Variants in CCNJL observed in about 807,000 individuals in gnomAD.
CCNJL encodes cyclin J like.
In CCNJL, 33 loss-of-function variants were observed where a neutral mutation model predicts 33.4. The ratio of observed to expected loss-of-function variants is 0.99; its 90% CI spans 0.75 to 1.32. CCNJL has a LOEUF of 1.32. Ranked by LOEUF, CCNJL falls within the 40% of genes most tolerant of loss-of-function variation. The pLI, the probability that CCNJL is intolerant of heterozygous loss-of-function variation, is 0.00. For missense variants in CCNJL, 512 were observed against 499.7 expected (o/e 1.02, Z -0.23); for synonymous variants, 227 against 220.9 (o/e 1.03, Z -0.24).
chr5:160,322,931 A>AT lies in CCNJL; in HGVS notation n.207-7427_207-7426insA, dbSNP rs200398917. Among the ~76,000 whole-genome samples the AT allele has an allele frequency of 6.4e-3, 905 of 142,344 alleles. 11 individuals carry two copies. The highest frequency in any genetic ancestry group is 0.023 in the African/African-American group (866 of 38,488). 93.4% of individuals were successfully genotyped at this position (142,344 alleles called of 152,430 possible). On this transcript the variant is annotated intron_variant and non_coding_transcript_variant, in intron 1 of 7. Transcript: ENST00000377503. ...CCATCTCAAAAAAAATTAAAAAAAA[A>AT]AATAATAAAAATGTCCCTCAAGGCC...
intron 3 of CCNJL, chr5:160,260,945 A>G (rs4921271): frequency 0.78 from 119,355 of 152,322 alleles, 47,072 homozygotes; most frequent in East Asian, 0.92. Flanking sequence ...CTGTTCACCC[A>G]TGACCCCAAG....
chr5:160,260,042 A>G (rs1033841177), intron 3 of CCNJL, among the ~76,000 whole-genome samples: 2 of 152,238 alleles, frequency 1.3e-5, no homozygotes, highest in East Asian at 3.8e-4. Context: ...CCTATACTTC[A>G]TAAGGCTTTT....
At chr5:160,336,929 C>T (rs936348075) in intron 1 of CCNJL, among the ~76,000 whole-genome samples, 2 of 152,008 alleles carry the variant, frequency 1.3e-5, no homozygotes, top group African/African-American at 4.8e-5. Flanking sequence ...CACTTGGGGC[C>T]AAGCTCCCAT....
intron 2 of CCNJL, among the ~76,000 whole-genome samples, chr5:160,296,232 G>T (rs980511341): frequency 6.6e-6 from 1 of 152,146 alleles, no homozygotes; most frequent in Non-Finnish European, 1.5e-5. Flanking sequence ...CATACACAAG[G>T]CACTTAACAG....
At chr5:160,301,517 T>C (rs528857305) in intron 2 of CCNJL, among the ~76,000 whole-genome samples, 3 of 151,568 alleles carry the variant, frequency 2.0e-5, no homozygotes, top group African/African-American at 7.3e-5. Context: ...CACTGCAACC[T>C]CTGCCTCGCG....
In CCNJL at chr5:160,261,615, C is replaced by A. The variant is rs1243011587; in HGVS notation, c.281-1844G>T. Among the ~76,000 whole-genome samples, 4 of 152,040 alleles carry A rather than the reference C, an allele frequency of 2.6e-5. No homozygotes were observed. In the East Asian group the frequency reaches 7.7e-4, roughly 29 times the overall value. ...CGACTGGCTCTATTGGCTTTGGCAG[C>A]TCCCCCCATACTCCCCCCAACACTC... is the stretch of plus-strand genomic sequence containing the variant. On this transcript the variant is annotated intron_variant, in intron 3 of 5. Transcript: ENST00000257536.
intron 4 of CCNJL, chr5:160,258,687 A>G: frequency 1.3e-6 from 1 of 797,064 alleles, no homozygotes; most frequent in Non-Finnish European, 2.2e-6. Flanking sequence ...ACTTTAAATA[A>G]ATATCTATTG....
chr5:160,291,034 C>CT (rs1231067520), intron 2 of CCNJL, among the ~76,000 whole-genome samples: 1 of 48,986 alleles, frequency 2.0e-5, no homozygotes, highest in Non-Finnish European at 3.6e-5. Context: ...CCCGTCTTTA[C>CT]TTAAAAAAAA....
At chr5:160,333,255 TAGGACTAC>T (rs1169339280) in intron 1 of CCNJL, among the ~76,000 whole-genome samples, 1 of 151,956 alleles carries the variant, frequency 6.6e-6, no homozygotes, top group African/African-American at 2.4e-5. Flanking sequence ...CCCGAGTAGC[TAGGACTAC>T]AGGCACCCGC....
At chr5:160,300,366 T>C (rs1762884453) in intron 2 of CCNJL, among the ~76,000 whole-genome samples, 1 of 152,164 alleles carries the variant, frequency 6.6e-6, no homozygotes, top group Non-Finnish European at 1.5e-5. Flanking sequence ...GTGCTGCAGA[T>C]GGGGCTCCAT....
At chr5:160,264,107 G>A (rs1476037661) in intron 3 of CCNJL, among the ~76,000 whole-genome samples, 2 of 151,990 alleles carry the variant, frequency 1.3e-5, no homozygotes, top group East Asian at 3.9e-4. Context: ...CACCACACCT[G>A]GCTAATTTTT....
intron 1 of CCNJL, among the ~76,000 whole-genome samples, chr5:160,328,881 A>T (rs1763572196): frequency 1.3e-5 from 2 of 150,214 alleles, no homozygotes; most frequent in South Asian, 2.1e-4. Context: ...CTCTGTCTCA[A>T]AAAAAAAAAG....
At chr5:160,338,366 C>G (rs2113487594) in intron 1 of CCNJL, among the ~76,000 whole-genome samples, 1 of 152,166 alleles carries the variant, frequency 6.6e-6, no homozygotes, top group Non-Finnish European at 1.5e-5. Context: ...TGCACTCCGA[C>G]CTGGGTGACA....
chr5:160,326,671 G>A (rs1475576667), intron 1 of CCNJL: 16 of 819,574 alleles, frequency 2.0e-5, no homozygotes, highest in South Asian at 5.3e-5. Flanking sequence ...GCGGGTGGGT[G>A]TGCTCTTTGT....
At position 160,280,740 on chromosome 5, in the gene CCNJL, TG is replaced by T; in HGVS notation, c.67-3del. On this transcript the variant is annotated splice_polypyrimidine_tract_variant and splice_region_variant and intron_variant, in intron 2 of 5. Transcript: ENST00000257536. ...TCGGAAGGTGGGCAGCTTCAGTTCC[TG>T]GAGGACAGGCGGGGCGGAGGGGTGA... The T allele has an allele frequency of 5.0e-6, 8 of 1,594,100 alleles. No individual in the cohort carries two copies. The highest frequency in any genetic ancestry group is 2.3e-5 in the East Asian group (1 of 43,734).
At chr5:160,268,810 C>T (rs868838445) in intron 3 of CCNJL, among the ~76,000 whole-genome samples, 8 of 152,184 alleles carry the variant, frequency 5.3e-5, no homozygotes, top group African/African-American at 9.7e-5. Flanking sequence ...TTCCAAAGTC[C>T]GCTGGGTAGA....
chr5:160,317,002 T>A (rs1763387889), upstream of CCNJL, among the ~76,000 whole-genome samples: 1 of 152,210 alleles, frequency 6.6e-6, no homozygotes, highest in Non-Finnish European at 1.5e-5. Context: ...GAATAGTGTT[T>A]CCTCATGGTG....
intron 1 of CCNJL, among the ~76,000 whole-genome samples, chr5:160,327,427 C>G (rs1238310663): frequency 6.6e-6 from 1 of 152,240 alleles, no homozygotes; most frequent in Admixed American, 6.5e-5. Context: ...CCACTGATAC[C>G]TGTTGCACAG....
At chr5:160,286,440 C>A (rs1422183436) in intron 2 of CCNJL, among the ~76,000 whole-genome samples, 1 of 152,130 alleles carries the variant, frequency 6.6e-6, no homozygotes, top group Non-Finnish European at 1.5e-5. Flanking sequence ...GAGTTCAAGA[C>A]CAGCCTGGTC....
Sources: gnomAD v4.1 joint callset for allele counts (sites outside exome capture counted in the v4.1 genomes callset) on GRCh38, gnomAD v4.1.1 for gene constraint, MANE v1.5 for transcripts, NCBI Gene and HGNC (gene_info 2026-07-23, HGNC 2026-07-21) for gene names.